Variants in CEP128 observed in about 807,000 individuals in gnomAD.
CEP128 encodes centrosomal protein 128kDa.
A neutral mutation model predicts 156.7 loss-of-function variants in CEP128; 132 were observed. The ratio of observed to expected loss-of-function variants is 0.84; its 90% CI spans 0.73 to 0.97. The LOEUF (loss-of-function observed/expected upper bound fraction) is 0.97, where lower values mean the gene tolerates loss of function less well. CEP128 is among the 50% of genes least tolerant of loss of function. The pLI is 0.00. For missense variants in CEP128, 1,252 were observed against 1,281.9 expected, an observed-to-expected ratio of 0.98 and a Z score of 0.36; for synonymous variants, 469 against 448.9, an observed-to-expected ratio of 1.04 and a Z score of -0.57.
At chr14:80,834,495 T>G (rs1158787378) in intron 12 of CEP128, among the ~76,000 whole-genome samples, 2 of 152,208 alleles carry the variant, frequency 1.3e-5, no homozygotes, top group African/African-American at 4.8e-5. Flanking sequence ...TGATTTCTAA[T>G]GTAGAACTGT....
chr14:80,787,146 G>A (rs1050374432), intron 14 of CEP128, among the ~76,000 whole-genome samples: 1 of 152,276 alleles, frequency 6.6e-6, no homozygotes, highest in African/African-American at 2.4e-5. Flanking sequence ...TAGGTTGAAA[G>A]GCCAAGCAAG....
intron 4 of CEP128, among the ~76,000 whole-genome samples, chr14:80,909,179 G>C (rs1257217539): frequency 1.3e-5 from 2 of 152,034 alleles, no homozygotes; most frequent in African/African-American, 4.8e-5. Flanking sequence ...TGCCTTAGTA[G>C]TTCTTTGATG....
chr14:80,756,588 G>C (rs920230159), intron 18 of CEP128, among the ~76,000 whole-genome samples: 1 of 152,112 alleles, frequency 6.6e-6, no homozygotes, highest in Admixed American at 6.5e-5. Flanking sequence ...ACAAACAATA[G>C]AATTAGCTCT....
At chr14:80,503,955 C>A (rs1036542849) in intron 24 of CEP128, among the ~76,000 whole-genome samples, 1 of 152,064 alleles carries the variant, frequency 6.6e-6, no homozygotes, top group Non-Finnish European at 1.5e-5. Flanking sequence ...AGAGTTATCA[C>A]CTTTGGATTT....
chr14:80,683,830 A>T (rs1055560500), intron 19 of CEP128, among the ~76,000 whole-genome samples: 2 of 152,164 alleles, frequency 1.3e-5, no homozygotes, highest in African/African-American at 4.8e-5. Flanking sequence ...AAACCACACA[A>T]TTATACGAAA....
At chr14:80,602,333 G>C (rs1892613686) in intron 19 of CEP128, among the ~76,000 whole-genome samples, 1 of 152,172 alleles carries the variant, frequency 6.6e-6, no homozygotes, top group Admixed American at 6.5e-5. Flanking sequence ...CAAGTAATGA[G>C]AAGGCCTGAA....
chr14:80,877,387 A>C (rs1187970148), intron 8 of CEP128, among the ~76,000 whole-genome samples: 1 of 152,200 alleles, frequency 6.6e-6, no homozygotes, highest in Non-Finnish European at 1.5e-5. Context: ...CCTTTAAAAA[A>C]ATATTTAATG....
chr14:80,856,664 CGTGTGTGTGTGTGCGT>C (rs1222051175), intron 9 of CEP128, among the ~76,000 whole-genome samples: 2 of 142,254 alleles, frequency 1.4e-5, no homozygotes, highest in Non-Finnish European at 3.0e-5. Context: ...AGTGTGCCTG[CGTGTGTGTGTGTGCGT>C]GTGTGTGTGT....
intron 19 of CEP128, among the ~76,000 whole-genome samples, chr14:80,678,824 T>C (rs1896195346): frequency 6.6e-6 from 1 of 152,110 alleles, no homozygotes; most frequent in Non-Finnish European, 1.5e-5. Context: ...AATTTTTAAT[T>C]TGGGTCCATG....
At chr14:80,584,604 A>G (rs1457007798) in intron 19 of CEP128, among the ~76,000 whole-genome samples, 2 of 152,200 alleles carry the variant, frequency 1.3e-5, no homozygotes, top group Admixed American at 6.5e-5. Flanking sequence ...GGAATGATGA[A>G]CACGGTTATT....
intron 8 of CEP128, among the ~76,000 whole-genome samples, chr14:80,869,985 A>G (rs1887948302): frequency 6.6e-6 from 1 of 152,088 alleles, no homozygotes. Flanking sequence ...ATGCCAACAA[A>G]TTGGATAACC....
At chr14:80,694,799 T>C (rs1896835683) in intron 19 of CEP128, among the ~76,000 whole-genome samples, 1 of 151,834 alleles carries the variant, frequency 6.6e-6, no homozygotes, top group Non-Finnish European at 1.5e-5. Context: ...ACCTAATGCA[T>C]GTGGGGCTTC....
chr14:80,617,791 C>A (rs186410805), intron 19 of CEP128, among the ~76,000 whole-genome samples: 8 of 152,204 alleles, frequency 5.3e-5, no homozygotes, highest in African/African-American at 1.9e-4. Flanking sequence ...ATGGCGAGAC[C>A]CTGTCTCCAC....
At chr14:80,929,673 C>T (rs900729257) in intron 2 of CEP128, among the ~76,000 whole-genome samples, 3 of 152,044 alleles carry the variant, frequency 2.0e-5, no homozygotes, top group African/African-American at 4.8e-5. Flanking sequence ...TATGAGTACA[C>T]AAAGACATAC....
At chr14:80,546,882 G>A (rs1346034055) in intron 21 of CEP128, among the ~76,000 whole-genome samples, 1 of 152,146 alleles carries the variant, frequency 6.6e-6, no homozygotes, top group African/African-American at 2.4e-5. Context: ...TAATGTAATT[G>A]GGGCATATGA....
At chr14:80,896,305 A>C (rs1006093324) in intron 7 of CEP128, among the ~76,000 whole-genome samples, 2 of 152,170 alleles carry the variant, frequency 1.3e-5, no homozygotes, top group African/African-American at 4.8e-5. Flanking sequence ...ATACATGATA[A>C]ACAAACAAAT....
chr14:80,613,782 G>A (rs1198645089), intron 19 of CEP128, among the ~76,000 whole-genome samples: 1 of 151,960 alleles, frequency 6.6e-6, no homozygotes, highest in African/African-American at 2.4e-5. Context: ...AATTAAGATA[G>A]CAAGCTACCA....
At chr14:80,530,263 A>G (rs1418691366) in intron 22 of CEP128, among the ~76,000 whole-genome samples, 1 of 152,214 alleles carries the variant, frequency 6.6e-6, no homozygotes, top group African/African-American at 2.4e-5. Context: ...TCTATGAGGA[A>G]TTTAAAAAAC....
At chr14:80,515,754 C>A (rs555135416) in intron 23 of CEP128, among the ~76,000 whole-genome samples, 5 of 152,280 alleles carry the variant, frequency 3.3e-5, no homozygotes, top group African/African-American at 1.2e-4. Flanking sequence ...TTTCCTCAAG[C>A]AGGAAAAGTC....
Sources: gnomAD v4.1 joint callset for allele counts (sites outside exome capture counted in the v4.1 genomes callset) on GRCh38, gnomAD v4.1.1 for gene constraint, MANE v1.5 for transcripts, NCBI Gene and HGNC (gene_info 2026-07-23, HGNC 2026-07-21) for gene names.